Variants in CNTN5 observed in about 807,000 individuals in gnomAD.
CNTN5 encodes the protein contactin 5, also known as contactin-5.
Under a neutral mutation model 129.1 loss-of-function variants are expected in CNTN5, and 77 were observed. The ratio of observed to expected loss-of-function variants is 0.60; its 90% CI spans 0.50 to 0.72. CNTN5 has a LOEUF of 0.72. Among genes scored for constraint, CNTN5 ranks in the 30% least tolerant of loss-of-function variants. The probability of loss-of-function intolerance (pLI) is 0.00; values close to 1 mark genes in which losing one functional copy is unlikely to be tolerated. For missense variants in CNTN5, 1,478 were observed against 1,328.8 expected (o/e 1.11, Z -1.75); for synonymous variants, 509 against 465.6 (o/e 1.09, Z -1.20).
intron 1 of CNTN5, among the ~76,000 whole-genome samples, chr11:99,291,874 A>G (rs957924545): frequency 3.9e-5 from 6 of 152,080 alleles, no homozygotes; most frequent in South Asian, 2.1e-4. Flanking sequence ...CAAAGAAAAA[A>G]AAGCAGGTGA....
At chr11:99,260,344 T>C (rs1341165550) in intron 1 of CNTN5, among the ~76,000 whole-genome samples, 1 of 151,822 alleles carries the variant, frequency 6.6e-6, no homozygotes, top group African/African-American at 2.4e-5. Flanking sequence ...TCTTTACACA[T>C]GTACAATGCC....
At chr11:99,346,214 G>A in intron 2 of CNTN5, among the ~76,000 whole-genome samples, 1 of 152,152 alleles carries the variant, frequency 6.6e-6, no homozygotes, top group East Asian at 1.9e-4. Flanking sequence ...GTCAGTAGAG[G>A]TGCTGAGAGG....
intron 3 of CNTN5, among the ~76,000 whole-genome samples, chr11:99,693,134 G>A (rs968070188): frequency 6.6e-6 from 1 of 152,144 alleles, no homozygotes; most frequent in African/African-American, 2.4e-5. Context: ...TGTACTTCTA[G>A]CTATTTTTGA....
intron 1 of CNTN5, among the ~76,000 whole-genome samples, chr11:99,043,434 TAAAA>T (rs574214447): frequency 2.0e-5 from 3 of 150,434 alleles, no homozygotes; most frequent in Non-Finnish European, 4.4e-5. Context: ...TAAAGTATAA[TAAAA>T]AAAAAGAATA....
chr11:99,462,527 T>G (rs1392678197), intron 2 of CNTN5, among the ~76,000 whole-genome samples: 2 of 152,140 alleles, frequency 1.3e-5, no homozygotes, highest in Non-Finnish European at 2.9e-5. Flanking sequence ...TCTTAACTAG[T>G]CCCAACCAGT....
At chr11:100,164,475 A>T (rs1947560977) in intron 13 of CNTN5, among the ~76,000 whole-genome samples, 1 of 151,806 alleles carries the variant, frequency 6.6e-6, no homozygotes, top group Non-Finnish European at 1.5e-5. Context: ...CAAATGGAAA[A>T]ATTCATATTT....
chr11:99,743,600 A>C (rs2135172146), intron 3 of CNTN5, among the ~76,000 whole-genome samples: 1 of 152,296 alleles, frequency 6.6e-6, no homozygotes, highest in South Asian at 2.1e-4. Flanking sequence ...TTACACCATC[A>C]TACATAGCAG....
chr11:100,154,776 A>G (rs1338196082), intron 13 of CNTN5, among the ~76,000 whole-genome samples: 1 of 152,192 alleles, frequency 6.6e-6, no homozygotes, highest in African/African-American at 2.4e-5. Context: ...ATGACCAGTG[A>G]TGATGAGCTT....
intron 8 of CNTN5, among the ~76,000 whole-genome samples, chr11:99,975,611 G>A (rs563188568): frequency 3.3e-5 from 5 of 152,240 alleles, no homozygotes; most frequent in Admixed American, 2.6e-4. Flanking sequence ...TGAAGGAAAA[G>A]TAAGGCATAT....
chr11:99,362,131 G>T (rs12282050), intron 2 of CNTN5, among the ~76,000 whole-genome samples: 4,789 of 152,014 alleles, frequency 0.032, 251 homozygotes, highest in African/African-American at 0.11. Flanking sequence ...AATAACACAT[G>T]TTATATTCTA....
intron 2 of CNTN5, among the ~76,000 whole-genome samples, chr11:99,445,442 C>T (rs1252021720): frequency 2.0e-5 from 3 of 152,112 alleles, no homozygotes; most frequent in Non-Finnish European, 4.4e-5. Context: ...AATAAATTCT[C>T]TGTTCAAATG....
intron 1 of CNTN5, among the ~76,000 whole-genome samples, chr11:99,259,774 G>T (rs914919922): frequency 2.0e-5 from 3 of 151,644 alleles, no homozygotes; most frequent in African/African-American, 7.3e-5. Context: ...AGTACCTTTT[G>T]CTCTGCACTT....
Position 99,377,261 on chromosome 11 carries a change from G to A in CNTN5, c.-71+51777G>A, listed in dbSNP as rs187564075. Among the ~76,000 whole-genome samples the A allele has an allele frequency of 3.2e-3, 488 of 152,050 alleles. 2 individuals carry two copies. Among genetic ancestry groups the A allele is most frequent in the African/African-American group, 0.011 (461 of 41,510 alleles). Reference sequence around the variant, plus strand: ...GTGGAGATTTTCTAATAGTATTATAGTATCTTTATATTTTTCTTATATTCG... The same window carrying A: ...GTGGAGATTTTCTAATAGTATTATAATATCTTTATATTTTTCTTATATTCG... On this transcript the variant is annotated intron_variant, in intron 2 of 24. Transcript: ENST00000524871.
chr11:99,779,475 AC>A (rs1945238881), intron 3 of CNTN5, among the ~76,000 whole-genome samples: 1 of 152,012 alleles, frequency 6.6e-6, no homozygotes, highest in Non-Finnish European at 1.5e-5. Flanking sequence ...AATATGTGAT[AC>A]AAAATCTTGT....
intron 1 of CNTN5, among the ~76,000 whole-genome samples, chr11:99,137,099 C>T (rs1859269382): frequency 6.6e-6 from 1 of 152,078 alleles, no homozygotes; most frequent in African/African-American, 2.4e-5. Flanking sequence ...GTATAGAAGC[C>T]TTCTGTTGCC....
chr11:99,591,655 T>C (rs1045960406), intron 3 of CNTN5, among the ~76,000 whole-genome samples: 2 of 152,022 alleles, frequency 1.3e-5, no homozygotes, highest in African/African-American at 4.8e-5. Context: ...AAAACCTTTT[T>C]ATTTGGCAGC....
At chr11:99,933,893 A>G (rs1950245465) in intron 7 of CNTN5, among the ~76,000 whole-genome samples, 2 of 152,184 alleles carry the variant, frequency 1.3e-5, no homozygotes, top group Admixed American at 1.3e-4. Context: ...TCAAGTGAAG[A>G]GGTATATGTC....
intron 2 of CNTN5, among the ~76,000 whole-genome samples, chr11:99,502,678 T>C (rs907051987): frequency 6.6e-6 from 1 of 152,150 alleles, no homozygotes; most frequent in Non-Finnish European, 1.5e-5. Context: ...TATAGCAGTA[T>C]GAACATGAAC....
intron 2 of CNTN5, among the ~76,000 whole-genome samples, chr11:99,488,846 G>C (rs1945922200): frequency 6.6e-6 from 1 of 152,100 alleles, no homozygotes; most frequent in South Asian, 2.1e-4. Flanking sequence ...ATGTTTGTGG[G>C]AGTTCATTGA....
Sources: gnomAD v4.1 joint callset for allele counts (sites outside exome capture counted in the v4.1 genomes callset) on GRCh38, gnomAD v4.1.1 for gene constraint, MANE v1.5 for transcripts, NCBI Gene and HGNC (gene_info 2026-07-23, HGNC 2026-07-21) for gene names.